Variants in ROCK1 observed in about 807,000 individuals in gnomAD.
ROCK1 encodes Rho associated coiled-coil containing protein kinase 1, also known as rho-associated protein kinase 1.
A neutral mutation model predicts 196.8 loss-of-function variants in ROCK1; 36 were observed. The observed-to-expected ratio is 0.18, with a 90% CI of 0.14 to 0.24. The LOEUF (loss-of-function observed/expected upper bound fraction) is 0.24, where lower values mean the gene tolerates loss of function less well. Among genes scored for constraint, ROCK1 ranks in the 10% least tolerant of loss-of-function variants. The probability of loss-of-function intolerance (pLI) is 1.00; values close to 1 mark genes in which losing one functional copy is unlikely to be tolerated. For synonymous variants in ROCK1, 443 were observed against 515.9 expected (o/e 0.86, Z 1.91); for missense variants, 920 against 1,562.0 (o/e 0.59, Z 6.93).
At position 21,008,132 on chromosome 18, in the gene ROCK1, T is replaced by C; in HGVS notation, c.1473A>G (p.Leu491=). ...VSQIEKEKML[L]QHRINEYQRK... Reference sequence around the variant, plus strand: ...TTTGGTACTCATTAATTCTATGCTGTAGCAACATTTTCTCCTTCTCAATCT... The same window carrying C: ...TTTGGTACTCATTAATTCTATGCTGCAGCAACATTTTCTCCTTCTCAATCT... The change falls in exon 14 of 33, where the codon CTA becomes CTG. Residue 491 remains leucine, a synonymous_variant. Coordinates refer to ENST00000399799, the MANE Select transcript of ROCK1 (RefSeq NM_005406.3). The C allele has an allele frequency of 1.2e-6, 2 of 1,602,234 alleles. No individual in the cohort carries two copies. Among genetic ancestry groups the C allele is most frequent in the Non-Finnish European group, 1.7e-6 (2 of 1,172,174 alleles).
chr18:21,064,252 A>G (rs1202239765), intron 2 of ROCK1, among the ~76,000 whole-genome samples: 2 of 152,134 alleles, frequency 1.3e-5, no homozygotes, highest in East Asian at 3.8e-4. Context: ...AAGATGTCAT[A>G]CTTTTGGAAG....
At chr18:21,003,703 A>G (rs2035745798) in intron 16 of ROCK1, among the ~76,000 whole-genome samples, 1 of 152,188 alleles carries the variant, frequency 6.6e-6, no homozygotes, top group Admixed American at 6.5e-5. Flanking sequence ...AGTACACAAG[A>G]GGTCACTATA....
At chr18:21,052,027 GATAAT>G (rs1426768503) in intron 2 of ROCK1, among the ~76,000 whole-genome samples, 1 of 152,140 alleles carries the variant, frequency 6.6e-6, no homozygotes, top group Non-Finnish European at 1.5e-5. Flanking sequence ...TCTGAACCTG[GATAAT>G]ATAATAGCCT....
chr18:21,052,534 CCT>C (rs1041547214), intron 2 of ROCK1, among the ~76,000 whole-genome samples: 5 of 152,114 alleles, frequency 3.3e-5, no homozygotes, highest in East Asian at 3.9e-4. Flanking sequence ...ATTCCCAACC[CCT>C]GAGCCGTGGA....
At chr18:21,061,852 C>T (rs1458655210) in intron 2 of ROCK1, among the ~76,000 whole-genome samples, 1 of 152,114 alleles carries the variant, frequency 6.6e-6, no homozygotes, top group East Asian at 1.9e-4. Context: ...GTTTATTTTA[C>T]ATGAATATTA....
At chr18:20,989,769 G>T (rs548564057) in intron 18 of ROCK1, among the ~76,000 whole-genome samples, 1 of 152,058 alleles carries the variant, frequency 6.6e-6, no homozygotes, top group Non-Finnish European at 1.5e-5. Context: ...AATGAAGACA[G>T]GTAAAGAATA....
At chr18:20,978,087 C>G (rs942229479) in intron 22 of ROCK1, among the ~76,000 whole-genome samples, 2 of 151,480 alleles carry the variant, frequency 1.3e-5, no homozygotes, top group African/African-American at 4.9e-5. Flanking sequence ...TCGATTAAGG[C>G]AACTTAATTG....
chr18:21,090,694 G>A (rs1321810129), intron 1 of ROCK1, among the ~76,000 whole-genome samples: 1 of 152,116 alleles, frequency 6.6e-6, no homozygotes, highest in Admixed American at 6.5e-5. Context: ...TCTTGTTACA[G>A]AAACAAATAA....
intron 16 of ROCK1, 148 bp downstream of exon 16, chr18:21,006,202 CA>C (rs772912423): frequency 1.5e-6 from 1 of 653,746 alleles, no homozygotes; most frequent in Non-Finnish European, 2.6e-6. Flanking sequence ...CGCAAAAGGA[CA>C]AACACTGTAT....
At chr18:21,108,231 ATGT>A (rs1279972125) in intron 1 of ROCK1, among the ~76,000 whole-genome samples, 2 of 152,164 alleles carry the variant, frequency 1.3e-5, no homozygotes, top group African/African-American at 4.8e-5. Context: ...CTTTAACAAA[ATGT>A]TGTTTTAGAA....
At chr18:21,004,882 T>C (rs1249971660) in intron 16 of ROCK1, among the ~76,000 whole-genome samples, 1 of 152,228 alleles carries the variant, frequency 6.6e-6, no homozygotes, top group Non-Finnish European at 1.5e-5. Context: ...CTGAGAAATA[T>C]GATTGCACAA....
chr18:21,070,658 TAC>T (rs749910105), intron 1 of ROCK1, 45 bp from the exon 2 acceptor site: 1 of 1,211,058 alleles, frequency 8.3e-7, no homozygotes, highest in East Asian at 2.4e-5. Flanking sequence ...GATCACATTA[TAC>T]AGTCTCCTTT....
intron 11 of ROCK1, among the ~76,000 whole-genome samples, chr18:21,021,873 T>G (rs966584001): frequency 2.0e-5 from 3 of 152,152 alleles, no homozygotes; most frequent in African/African-American, 7.2e-5. Context: ...TCCTTATTAT[T>G]ACGTAGGTCA....
intron 24 of ROCK1, 42 bp downstream of exon 24, chr18:20,969,073 G>C: frequency 1.6e-6 from 2 of 1,276,728 alleles, no homozygotes; most frequent in Non-Finnish European, 2.3e-6. Flanking sequence ...ATAAATCACT[G>C]AATTTGATTT....
At chr18:20,997,510 G>C (rs1164898705) in intron 16 of ROCK1, among the ~76,000 whole-genome samples, 22 of 152,152 alleles carry the variant, frequency 1.4e-4, no homozygotes, top group Non-Finnish European at 2.9e-5. Flanking sequence ...GATATTGTTA[G>C]AGCTAAAGAC....
chr18:20,983,711 G>T (rs1026097388), intron 20 of ROCK1, among the ~76,000 whole-genome samples: 2 of 152,054 alleles, frequency 1.3e-5, no homozygotes, highest in Non-Finnish European at 2.9e-5. Flanking sequence ...GGCCCTAAAA[G>T]AGGAAAAGAA....
intron 6 of ROCK1, among the ~76,000 whole-genome samples, chr18:21,043,791 T>A (rs559387585): frequency 1.3e-5 from 2 of 152,126 alleles, no homozygotes; most frequent in East Asian, 3.9e-4. Context: ...GGCATAAGTA[T>A]TTAGTGACAT....
chr18:21,015,361 T>G, intron 13 of ROCK1, 70 bp downstream of exon 13: 5 of 1,021,754 alleles, frequency 4.9e-6, no homozygotes, highest in Non-Finnish European at 7.5e-6. Context: ...TACAATTTTC[T>G]CAGGAAACGA....
At chr18:20,963,956 G>A (rs989409376) in intron 27 of ROCK1, among the ~76,000 whole-genome samples, 6 of 151,994 alleles carry the variant, frequency 3.9e-5, no homozygotes, top group African/African-American at 1.4e-4. Flanking sequence ...TTAGAATTGG[G>A]AATTTTAGAA....
Sources: allele counts gnomAD v4.1 joint callset (sites outside exome capture counted in the v4.1 genomes callset), GRCh38; gene constraint gnomAD v4.1.1; transcripts MANE v1.5; gene names NCBI Gene and HGNC (gene_info 2026-07-23, HGNC 2026-07-21).